The following FNDC3B variants were observed in gnomAD, a reference collection of about 807,000 sequenced individuals.
FNDC3B encodes fibronectin type III domain containing 3B, also known as fibronectin type III domain-containing protein 3B.
FNDC3B carries 12 observed loss-of-function variants against 151.5 expected under a neutral mutation model. That is an observed-to-expected ratio of 0.08 (90% CI 0.05 to 0.13). The LOEUF (loss-of-function observed/expected upper bound fraction) is 0.13. Ranked by LOEUF, FNDC3B falls within the 10% of genes least tolerant of loss-of-function variation. The pLI, the probability that FNDC3B is intolerant of heterozygous loss-of-function variation, is 1.00. For synonymous variants in FNDC3B, 528 were observed against 549.0 expected, an observed-to-expected ratio of 0.96 and a Z score of 0.54; for missense variants, 1,214 against 1,505.3, an observed-to-expected ratio of 0.81 and a Z score of 3.20.
At chr3:172,044,532 T>G (rs79447403) in intron 1 of FNDC3B, among the ~76,000 whole-genome samples, 2,398 of 152,306 alleles carry the variant, frequency 0.016, 67 homozygotes, top group African/African-American at 0.054. Context: ...TAGTGTTATG[T>G]GAATTACATT....
chr3:172,042,984 G>C (rs146745553), intron 1 of FNDC3B, among the ~76,000 whole-genome samples: 1 of 151,314 alleles, frequency 6.6e-6, no homozygotes, highest in African/African-American at 2.4e-5. Context: ...GCGCGGTCTC[G>C]GCTAACTGCA....
chr3:172,199,876 AC>A (rs1324672216), intron 3 of FNDC3B, among the ~76,000 whole-genome samples: 1 of 152,224 alleles, frequency 6.6e-6, no homozygotes, highest in Non-Finnish European at 1.5e-5. Context: ...ATTGTGAGGA[AC>A]ATCTCCTGCC....
At chr3:172,228,795 T>C (rs528951993) in intron 4 of FNDC3B, among the ~76,000 whole-genome samples, 16 of 152,290 alleles carry the variant, frequency 1.1e-4, no homozygotes, top group South Asian at 6.2e-4. Flanking sequence ...TTCATTTCAA[T>C]TGGGCTCCTT....
intron 21 of FNDC3B, among the ~76,000 whole-genome samples, chr3:172,350,944 A>G (rs898654872): frequency 2.1e-4 from 32 of 152,254 alleles, no homozygotes; most frequent in African/African-American, 7.2e-4. Flanking sequence ...GTTTTAGAGT[A>G]CATTCACTTT....
At chr3:172,078,224 C>T (rs1718115273) in intron 1 of FNDC3B, among the ~76,000 whole-genome samples, 1 of 152,226 alleles carries the variant, frequency 6.6e-6, no homozygotes, top group South Asian at 2.1e-4. Context: ...AGGTGATCCG[C>T]TTGCCTTGGC....
chr3:172,316,383 A>T (rs1251659774), intron 11 of FNDC3B: 2 of 454,092 alleles, frequency 4.4e-6, no homozygotes, highest in African/African-American at 4.0e-5. Context: ...AGGATTGAGG[A>T]TATAGAGGGC....
intron 7 of FNDC3B, among the ~76,000 whole-genome samples, chr3:172,289,002 A>G (rs1483271408): frequency 6.6e-6 from 1 of 152,124 alleles, no homozygotes; most frequent in Non-Finnish European, 1.5e-5. Flanking sequence ...CTCCACCTAT[A>G]TGTTTCCTAT....
At chr3:172,339,906 A>C (rs904765335) in intron 16 of FNDC3B, among the ~76,000 whole-genome samples, 5 of 152,218 alleles carry the variant, frequency 3.3e-5, no homozygotes, top group African/African-American at 1.2e-4. Flanking sequence ...GCCTTAGTGC[A>C]TGCGACTCTG....
At chr3:172,059,159 G>A (rs2108469069) in intron 1 of FNDC3B, among the ~76,000 whole-genome samples, 1 of 152,234 alleles carries the variant, frequency 6.6e-6, no homozygotes, top group South Asian at 2.1e-4. Flanking sequence ...TAGTACTAGT[G>A]TAACTTATAT....
chr3:172,231,638 G>A (rs954879903), intron 4 of FNDC3B, among the ~76,000 whole-genome samples: 3 of 152,138 alleles, frequency 2.0e-5, no homozygotes, highest in Non-Finnish European at 4.4e-5. Context: ...AGTTTTCACT[G>A]TCCTGTCTTT....
intron 3 of FNDC3B, among the ~76,000 whole-genome samples, chr3:172,190,207 G>A (rs943069620): frequency 3.3e-5 from 5 of 152,090 alleles, no homozygotes; most frequent in African/African-American, 4.8e-5. Context: ...GCAGCCCTAC[G>A]CAAATAGGGG....
intron 3 of FNDC3B, among the ~76,000 whole-genome samples, chr3:172,194,780 A>C (rs1724740133): frequency 6.6e-6 from 1 of 152,230 alleles, no homozygotes; most frequent in South Asian, 2.1e-4. Context: ...CCTGGGGCCT[A>C]TACATTTAAT....
At chr3:172,132,265 A>C (rs1288459632) in intron 2 of FNDC3B, among the ~76,000 whole-genome samples, 2 of 152,216 alleles carry the variant, frequency 1.3e-5, no homozygotes, top group Non-Finnish European at 2.9e-5. Context: ...TGACAGTTTC[A>C]AGCCAGGGAG....
At chr3:172,100,801 A>T (rs1362056940) in intron 1 of FNDC3B, among the ~76,000 whole-genome samples, 1 of 152,244 alleles carries the variant, frequency 6.6e-6, no homozygotes, top group Non-Finnish European at 1.5e-5. Flanking sequence ...TCAAGAAATA[A>T]CTTGCCTTTA....
rs143644974 is a variant in FNDC3B, at chr3:172,330,670, C to T, written c.1509C>T (p.Pro503=). The T allele has an allele frequency of 1.3e-4, 206 of 1,613,846 alleles. No homozygotes were observed. The Middle Eastern group carries it at 3.0e-3, about 23-fold the overall frequency. ...GGAGTAAGCCAGAAGGCTGTTCACCCGAGGAAGTGATCACCTACACCTTGG... is the reference window on the plus strand; with the variant it reads ...GGAGTAAGCCAGAAGGCTGTTCACCTGAGGAAGTGATCACCTACACCTTGG... The part of the protein sequence containing the change: ...LQWSKPEGCS[P]EEVITYTLEI... The change falls in exon 13 of 26, where the codon CCC becomes CCT. Residue 503 remains proline (P), a synonymous_variant. Transcript: ENST00000415807.
At chr3:172,146,209 A>C (rs1721902464) in intron 3 of FNDC3B, among the ~76,000 whole-genome samples, 2 of 152,196 alleles carry the variant, frequency 1.3e-5, no homozygotes, top group Non-Finnish European at 1.5e-5. Context: ...TAAATTGGTT[A>C]ATTTATTCTT....
At chr3:172,122,115 C>T (rs1262866223) in intron 2 of FNDC3B, among the ~76,000 whole-genome samples, 2 of 152,178 alleles carry the variant, frequency 1.3e-5, no homozygotes, top group Non-Finnish European at 2.9e-5. Flanking sequence ...TGCACATAAT[C>T]GTTTTCATGT....
At chr3:172,130,737 C>G (rs1328457970) in intron 2 of FNDC3B, among the ~76,000 whole-genome samples, 1 of 152,154 alleles carries the variant, frequency 6.6e-6, no homozygotes, top group Non-Finnish European at 1.5e-5. Context: ...ATTGTATTTT[C>G]TGAACCGGTA....
intron 1 of FNDC3B, among the ~76,000 whole-genome samples, chr3:172,042,988 A>T (rs1394862854): frequency 6.6e-6 from 1 of 151,204 alleles, no homozygotes; most frequent in Non-Finnish European, 1.5e-5. Context: ...GGTCTCGGCT[A>T]ACTGCAACCT....
Sources: allele counts gnomAD v4.1 joint callset (sites outside exome capture counted in the v4.1 genomes callset), GRCh38; gene constraint gnomAD v4.1.1; transcripts MANE v1.5; gene names NCBI Gene and HGNC (gene_info 2026-07-23, HGNC 2026-07-21).